ADCY2: variants seen among roughly 807,000 people sequenced by gnomAD.
ADCY2 encodes the protein adenylate cyclase 2, also known as adenylate cyclase type 2.
A neutral mutation model predicts 125.2 loss-of-function variants in ADCY2; 31 were observed. The observed-to-expected ratio is 0.25, with a 90% confidence interval of 0.19 to 0.33. The LOEUF is 0.33. ADCY2 is among the 10% of genes least tolerant of loss of function. The pLI, the probability that ADCY2 is intolerant of heterozygous loss-of-function variation, is 1.00. For missense variants in ADCY2, 904 were observed against 1,418.2 expected (o/e 0.64, Z 5.82); for synonymous variants, 512 against 548.4 (o/e 0.93, Z 0.93).
chr5:7,629,454 G>C (rs1434150821), intron 4 of ADCY2, among the ~76,000 whole-genome samples: 4 of 152,180 alleles, frequency 2.6e-5, no homozygotes, highest in Non-Finnish European at 5.9e-5. Context: ...AATTTCTAAA[G>C]ATTAAAGCCC....
In ADCY2 at chr5:7,409,979, A is replaced by G. The variant is rs1449418658; in HGVS notation, c.211-4594A>G. On this transcript the variant is annotated intron_variant, in intron 1 of 24. Coordinates refer to ENST00000338316, the MANE Select transcript of ADCY2 (RefSeq NM_020546.3). ...AAATTGTCTATCTATTTATCTATAT[A>G]CATATGAAAAACTGTATCTCCACAC... 2.6e-5 allele frequency among the ~76,000 whole-genome samples: 4 copies of G among 152,220 alleles called. No homozygotes were observed. In the East Asian group the frequency reaches 7.7e-4, roughly 29 times the overall value.
chr5:7,573,593 C>CTTTTTTTTTTTTTTTTTTTTTT (rs763347773), intron 3 of ADCY2, among the ~76,000 whole-genome samples: 2 of 86,364 alleles, frequency 2.3e-5, no homozygotes, highest in Non-Finnish European at 4.8e-5. Context: ...GGTTGATTTT[C>CTTTTTTTTTTTTTTTTTTTTTT]TTTTTTTTTT....
At chr5:7,576,831 T>A (rs554716052) in intron 3 of ADCY2, among the ~76,000 whole-genome samples, 183 of 152,232 alleles carry the variant, frequency 1.2e-3, no homozygotes, top group African/African-American at 4.3e-3. Flanking sequence ...TCTGAGCACA[T>A]CCCCAAACAT....
chr5:7,743,619 T>A, intron 14 of ADCY2, 49 bp from the exon 15 acceptor site: 1 of 1,553,928 alleles, frequency 6.4e-7, no homozygotes, highest in Non-Finnish European at 8.9e-7. Flanking sequence ...CTTTCCAGAA[T>A]GAGAGAAACG....
At chr5:7,530,935 G>A (rs1311053503) in intron 3 of ADCY2, among the ~76,000 whole-genome samples, 1 of 152,070 alleles carries the variant, frequency 6.6e-6, no homozygotes, top group Non-Finnish European at 1.5e-5. Flanking sequence ...GGCTTCTCAG[G>A]TCGCAAGGAG....
intron 1 of ADCY2, among the ~76,000 whole-genome samples, chr5:7,404,245 C>T (rs1468666526): frequency 6.6e-6 from 1 of 152,076 alleles, no homozygotes; most frequent in Non-Finnish European, 1.5e-5. Context: ...TATATGCCTT[C>T]ATGTATAATC....
At chr5:7,434,353 A>G (rs1740718390) in intron 2 of ADCY2, among the ~76,000 whole-genome samples, 1 of 152,256 alleles carries the variant, frequency 6.6e-6, no homozygotes, top group Non-Finnish European at 1.5e-5. Flanking sequence ...AATAAAGTAC[A>G]TCTGCATATA....
At chr5:7,653,509 G>C (rs1291888076) in intron 4 of ADCY2, among the ~76,000 whole-genome samples, 4 of 152,130 alleles carry the variant, frequency 2.6e-5, no homozygotes, top group Non-Finnish European at 5.9e-5. Context: ...TCAGGAGGCT[G>C]GGGGAGGAGA....
chr5:7,659,413 G>A (rs1462515783), intron 4 of ADCY2, among the ~76,000 whole-genome samples: 2 of 152,208 alleles, frequency 1.3e-5, no homozygotes, highest in Non-Finnish European at 2.9e-5. Flanking sequence ...GCTGTACTGT[G>A]TTGGTTATTT....
intron 2 of ADCY2, among the ~76,000 whole-genome samples, chr5:7,469,122 A>G (rs903300369): frequency 2.6e-5 from 4 of 152,190 alleles, no homozygotes; most frequent in Middle Eastern, 3.4e-3. Context: ...TTTCTTGATT[A>G]TAAATGTAAC....
chr5:7,499,660 T>TATAC (rs1743482360), intron 2 of ADCY2, among the ~76,000 whole-genome samples: 1 of 111,182 alleles, frequency 9.0e-6, no homozygotes, highest in South Asian at 3.2e-4. Flanking sequence ...TATATATATA[T>TATAC]ATATATATAT....
intron 6 of ADCY2, 94 bp from the exon 7 acceptor site, chr5:7,698,153 G>C (rs1740955676): frequency 2.0e-6 from 3 of 1,495,156 alleles, no homozygotes; most frequent in Admixed American, 3.4e-5. Flanking sequence ...CCCTGGAATG[G>C]TGTGAGCAGA....
chr5:7,460,560 G>T (rs1741881475), intron 2 of ADCY2, among the ~76,000 whole-genome samples: 1 of 152,122 alleles, frequency 6.6e-6, no homozygotes, highest in Non-Finnish European at 1.5e-5. Flanking sequence ...AATGTCCTAG[G>T]AGCATGGTAT....
At chr5:7,479,314 A>C (rs1421197263) in intron 2 of ADCY2, among the ~76,000 whole-genome samples, 1 of 151,466 alleles carries the variant, frequency 6.6e-6, no homozygotes, top group African/African-American at 2.5e-5. Flanking sequence ...TGGGATCATA[A>C]CGTTATTTAC....
intron 2 of ADCY2, among the ~76,000 whole-genome samples, chr5:7,423,891 T>G (rs1414515743): frequency 6.6e-6 from 1 of 152,180 alleles, no homozygotes; most frequent in Non-Finnish European, 1.5e-5. Context: ...ATGACTAAAC[T>G]GTCCTCTGGC....
At chr5:7,434,484 T>G (rs1170109796) in intron 2 of ADCY2, among the ~76,000 whole-genome samples, 1 of 152,198 alleles carries the variant, frequency 6.6e-6, no homozygotes, top group African/African-American at 2.4e-5. Context: ...GAGACAGCTT[T>G]GAAGAAGATG....
chr5:7,684,254 T>C (rs1477436588), intron 4 of ADCY2, among the ~76,000 whole-genome samples: 2 of 152,212 alleles, frequency 1.3e-5, no homozygotes, highest in Non-Finnish European at 1.5e-5. Flanking sequence ...TTGCTCAGGC[T>C]TTGCAGGTGC....
intron 24 of ADCY2, among the ~76,000 whole-genome samples, chr5:7,825,144 A>ACAACAC (rs1561048328): frequency 0.016 from 2,271 of 143,356 alleles, 57 homozygotes; most frequent in African/African-American, 0.056. Flanking sequence ...GTGTCCCATA[A>ACAACAC]TAACGCTGCT....
chr5:7,505,020 G>A (rs1743753307), intron 2 of ADCY2, among the ~76,000 whole-genome samples: 1 of 151,734 alleles, frequency 6.6e-6, no homozygotes, highest in African/African-American at 2.4e-5. Context: ...TGGGACCACA[G>A]GCGCACACCA....
Sources: gnomAD v4.1 joint callset for allele counts (sites outside exome capture counted in the v4.1 genomes callset) on GRCh38, gnomAD v4.1.1 for gene constraint, MANE v1.5 for transcripts, NCBI Gene and HGNC (gene_info 2026-07-23, HGNC 2026-07-21) for gene names.